SPAG9: variants seen among roughly 807,000 people sequenced by gnomAD.
SPAG9 encodes the protein C-Jun-amino-terminal kinase-interacting protein 4.
In SPAG9, 35 loss-of-function variants were observed where a neutral mutation model predicts 166.5. That is an observed-to-expected ratio of 0.21 (90% confidence interval 0.16 to 0.28). The LOEUF (loss-of-function observed/expected upper bound fraction) is 0.28, where lower values mean the gene tolerates loss of function less well. Ranked by LOEUF, SPAG9 falls within the 10% of genes least tolerant of loss-of-function variation. SPAG9 has a pLI of 1.00. For missense variants in SPAG9, 1,235 were observed against 1,603.3 expected, an observed-to-expected ratio of 0.77 and a Z score of 3.92; for synonymous variants, 534 against 565.5, an observed-to-expected ratio of 0.94 and a Z score of 0.79.
chr17:50,999,498 A>T, intron 14 of SPAG9, 163 bp downstream of exon 14: 2 of 1,209,038 alleles, frequency 1.7e-6, no homozygotes, highest in Non-Finnish European at 2.2e-6. Context: ...CTATATATTA[A>T]AAAAAAAAAA....
At chr17:51,109,025 G>C (rs1162541902) in intron 1 of SPAG9, among the ~76,000 whole-genome samples, 1 of 151,598 alleles carries the variant, frequency 6.6e-6, no homozygotes, top group African/African-American at 2.4e-5. Flanking sequence ...ACCAAGCCCA[G>C]CTACTTTTAT....
At chr17:51,091,174 A>T (rs971645448) in intron 1 of SPAG9, among the ~76,000 whole-genome samples, 1 of 149,040 alleles carries the variant, frequency 6.7e-6, no homozygotes, top group Admixed American at 6.8e-5. Flanking sequence ...TCAAAGGCTG[A>T]GGTGGGAGGG....
chr17:50,982,767 T>G, intron 24 of SPAG9, 95 bp from the exon 25 acceptor site: 1 of 1,156,322 alleles, frequency 8.6e-7, no homozygotes, highest in African/African-American at 1.6e-5. Context: ...TTAAATTTAT[T>G]GAGGAAGCAC....
chr17:51,069,800 C>G (rs1343808546), intron 2 of SPAG9, among the ~76,000 whole-genome samples: 1 of 151,816 alleles, frequency 6.6e-6, no homozygotes, highest in African/African-American at 2.4e-5. Flanking sequence ...ATGTAAAAAG[C>G]AAAGGAATGT....
At chr17:51,098,261 C>T (rs2048699516) in intron 1 of SPAG9, among the ~76,000 whole-genome samples, 2 of 152,044 alleles carry the variant, frequency 1.3e-5, no homozygotes, top group African/African-American at 2.4e-5. Context: ...TCACCATGCT[C>T]ATGAACTACA....
intron 12 of SPAG9, 34 bp downstream of exon 12, chr17:51,005,178 A>T: frequency 6.3e-7 from 1 of 1,588,980 alleles, no homozygotes; most frequent in South Asian, 1.1e-5. Context: ...AAACATGGTA[A>T]GGTAAGAAAA....
At chr17:51,095,579 A>C (rs933579919) in intron 1 of SPAG9, among the ~76,000 whole-genome samples, 1 of 150,652 alleles carries the variant, frequency 6.6e-6, no homozygotes, top group African/African-American at 2.4e-5. Flanking sequence ...TGAACCTGGG[A>C]GGTGGAGGCT....
rs537149190 is a variant in SPAG9, at chr17:50,966,249, A to G, written c.*23T>C. On this transcript the variant is annotated 3_prime_UTR_variant, in exon 30 of 30. Transcript: ENST00000262013. ...ACCATGCAGAAGAGACGGCTTCCCC[A>G]TCTCCACCTGTTTCCCATGGGCTCA... 3 of 1,385,818 alleles carry G rather than the reference A, an allele frequency of 2.2e-6. No individual in the cohort carries two copies. Among genetic ancestry groups the G allele is most frequent in the East Asian group, 4.6e-5 (2 of 43,810 alleles). 85.8% of individuals were successfully genotyped at this position (1,385,818 alleles called of 1,614,324 possible). A position where few individuals can be genotyped will look rare whatever the true frequency, so the allele number is the denominator to read the frequency against.
chr17:51,009,096 A>G (rs1481778338), intron 9 of SPAG9: 1 of 444,124 alleles, frequency 2.3e-6, no homozygotes, highest in African/African-American at 2.0e-5. Context: ...TAGCTTAAAA[A>G]GCAGTAATAT....
intron 2 of SPAG9, among the ~76,000 whole-genome samples, chr17:51,061,612 C>CCAAAAAAAAAAAAAAAAAAAAAAAAA (rs34337438): frequency 3.2e-5 from 1 of 31,726 alleles, no homozygotes; most frequent in Non-Finnish European, 6.0e-5. Context: ...GCTCTGTCTC[C>CCAAAAAAAAAAAAAAAAAAAAAAAAA]AAAAAAAAAA....
chr17:51,119,537 C>T (rs1175111889), intron 1 of SPAG9, among the ~76,000 whole-genome samples: 1 of 152,126 alleles, frequency 6.6e-6, no homozygotes, highest in Non-Finnish European at 1.5e-5. Context: ...GGTCACTGCT[C>T]GGGTGCTAGA....
chr17:51,065,288 C>T (rs2047632011), intron 2 of SPAG9, among the ~76,000 whole-genome samples: 1 of 152,006 alleles, frequency 6.6e-6, no homozygotes, highest in South Asian at 2.1e-4. Flanking sequence ...CCGCCTCAGC[C>T]TCCCAAATTC....
chr17:51,120,315 A>G lies in SPAG9; in HGVS notation c.303+39T>C. 1 of 1,403,882 alleles carries G rather than the reference A, an allele frequency of 7.1e-7. No homozygotes were observed. The highest frequency in any genetic ancestry group is 9.5e-7 in the Non-Finnish European group (1 of 1,049,686). 87.0% of individuals were successfully genotyped at this position (1,403,882 alleles called of 1,614,324 possible). ...GCGACCCCGCCCCGGCCGCCCCCGG[A>G]GACGGATCCCGCGGCCCCCGCCCTG... On this transcript the variant is annotated intron_variant, in intron 1 of 29. Coordinates refer to ENST00000262013, the MANE Select transcript of SPAG9 (RefSeq NM_001130528.3). This position sits in a 1 kb window ranked among gnomAD's most constrained non-coding sequence, Gnocchi z 4.7.
rs780018221 is a variant in SPAG9, at chr17:50,982,613, T to C, written c.3148A>G (p.Ile1050Val). 6.2e-7 allele frequency: 1 copy of C among 1,613,970 alleles called. No individual in the cohort carries two copies. Among genetic ancestry groups the C allele is most frequent in the South Asian group, 1.1e-5 (1 of 91,064 alleles). ...TCATGTACCACAGTCATGCAACGGA[T>C]GGAATGATGAGGCCGTCCAAGGTCT... is the stretch of plus-strand genomic sequence containing the variant. ...LLDLGRPHHS[I>V]RCMTVVHDKV... Residue 1050 changes from isoleucine (I) to valine (V), a missense_variant, in exon 25 of 30, where the codon ATC (isoleucine) becomes GTC (valine). By Grantham distance (29) the Ile-to-Val change is conservative. Around this residue, in one of 6 missense-constraint regions of SPAG9, gnomAD observed 243 missense variants for 358.6 expected, o/e 0.68. Coordinates refer to ENST00000262013, the MANE Select transcript of SPAG9 (RefSeq NM_001130528.3).
chr17:51,075,258 T>C (rs1054345911), intron 2 of SPAG9, among the ~76,000 whole-genome samples: 2 of 150,460 alleles, frequency 1.3e-5, no homozygotes, highest in Non-Finnish European at 1.5e-5. Flanking sequence ...ATATTTTGTT[T>C]ACATTTATTA....
At chr17:51,112,463 G>A (rs1316556465) in intron 1 of SPAG9, among the ~76,000 whole-genome samples, 4 of 150,990 alleles carry the variant, frequency 2.6e-5, no homozygotes, top group East Asian at 3.9e-4. Flanking sequence ...ACTTGAGGTC[G>A]AGATCAAGAC....
intron 16 of SPAG9, chr17:50,996,359 C>A (rs117087150): frequency 2.8e-5 from 16 of 566,246 alleles, no homozygotes; most frequent in East Asian, 6.0e-5. Flanking sequence ...CTCCTCCCCC[C>A]CTCACAGACT....
chr17:51,104,446 G>C (rs2048885665), intron 1 of SPAG9, among the ~76,000 whole-genome samples: 1 of 152,156 alleles, frequency 6.6e-6, no homozygotes, highest in Non-Finnish European at 1.5e-5. Context: ...AGACCAGTCT[G>C]ACCAACATGA....
At chr17:51,000,582 A>G (rs564850149) in intron 13 of SPAG9, among the ~76,000 whole-genome samples, 1 of 152,190 alleles carries the variant, frequency 6.6e-6, no homozygotes, top group African/African-American at 2.4e-5. Context: ...AAAAAATACA[A>G]AAATTAGCTG....
Sources: gnomAD v4.1 joint callset for allele counts (sites outside exome capture counted in the v4.1 genomes callset) on GRCh38, gnomAD v4.1.1 for gene constraint, gnomAD v4.1.1 regional missense constraint, Gnocchi (gnomAD v3.1) non-coding constraint, MANE v1.5 for transcripts, NCBI Gene and HGNC (gene_info 2026-07-23, HGNC 2026-07-21) for gene names.